Variants in TATDN1 observed in about 807,000 individuals in gnomAD.
TATDN1 encodes the protein deoxyribonuclease TATDN1.
Under a neutral mutation model 46.4 loss-of-function variants are expected in TATDN1, and 40 were observed. The observed-to-expected ratio is 0.86, with a 90% confidence interval of 0.67 to 1.12. TATDN1 has a LOEUF of 1.12. Ranked by LOEUF, TATDN1 falls within the 50% of genes most tolerant of loss-of-function variation. The pLI is 0.00. For missense variants in TATDN1, 326 were observed against 348.4 expected (o/e 0.94, Z 0.51); for synonymous variants, 95 against 105.6 (o/e 0.90, Z 0.62).
At chr8:124,498,951 C>CTTTTT (rs77795578) in intron 9 of TATDN1, among the ~76,000 whole-genome samples, 1 of 132,376 alleles carries the variant, frequency 7.6e-6, no homozygotes, top group Admixed American at 7.7e-5. Context: ...CGCCTGGCCT[C>CTTTTT]TTTTTTTTTT....
rs1474843467 is a variant in TATDN1, at chr8:124,488,682, A to G, written c.806T>C (p.Ile269Thr). 1.9e-6 allele frequency: 3 copies of G among 1,601,216 alleles called. No homozygotes were observed. In the East Asian group the frequency reaches 6.7e-5, roughly 36 times the overall value. ...ATCCTCATCTCTCACTGCTGACATT[A>G]TCTCCAATATTTGACTAAAACAAAA... is the stretch of plus-strand genomic sequence containing the variant. ...EPCHIIQILE[I>T]MSAVRDEDPL... Residue 269 changes from isoleucine to threonine, a missense_variant, in exon 12 of 12, where the codon ATA becomes ACA. Transcript: ENST00000276692.
chr8:124,508,368 G>T, intron 8 of TATDN1, 106 bp downstream of exon 8: 1 of 912,472 alleles, frequency 1.1e-6, no homozygotes, highest in Non-Finnish European at 1.7e-6. Flanking sequence ...TCTCATGCCA[G>T]TGCTTAAAAA....
intron 1 of TATDN1, among the ~76,000 whole-genome samples, chr8:124,526,429 T>C (rs1164858965): frequency 6.6e-6 from 1 of 152,192 alleles, no homozygotes; most frequent in Non-Finnish European, 1.5e-5. Flanking sequence ...TGAAAACCAA[T>C]GTCTAGCCAG....
chr8:124,502,637 C>G (rs978871759), intron 9 of TATDN1, among the ~76,000 whole-genome samples: 1 of 151,990 alleles, frequency 6.6e-6, no homozygotes, highest in Non-Finnish European at 1.5e-5. Context: ...GGAACTAGTC[C>G]AAATTGAAAC....
chr8:124,515,379 A>G (rs1218857999), intron 6 of TATDN1, among the ~76,000 whole-genome samples: 1 of 152,162 alleles, frequency 6.6e-6, no homozygotes, highest in Non-Finnish European at 1.5e-5. Flanking sequence ...ACTCTGTCTC[A>G]AAAAACAAAA....
chr8:124,522,119 A>T (rs753177303), intron 3 of TATDN1, 32 bp downstream of exon 3: 16 of 1,508,254 alleles, frequency 1.1e-5, no homozygotes, highest in African/African-American at 1.4e-5. Flanking sequence ...AATGAATTTT[A>T]AAAATCTCAA....
chr8:124,494,457 A>T (rs1231702352), intron 10 of TATDN1: 1 of 152,730 alleles, frequency 6.5e-6, no homozygotes, highest in Non-Finnish European at 1.5e-5. Context: ...AATGAATGTG[A>T]TTTCTCCAGA....
In TATDN1 at chr8:124,506,352, A is replaced by G. The variant is rs540715269; in HGVS notation, c.517-2005T>C. The stretch of plus-strand genomic sequence containing the variant: ...TCTGTCTCAAAAAAAAAAAAAAAAA[A>G]AAAAGAAAAAGAAAAAAAGAAAAGA... On this transcript the variant is annotated intron_variant, in intron 8 of 11. Transcript: ENST00000276692. Among the ~76,000 whole-genome samples the G allele has an allele frequency of 3.5e-3, 527 of 148,794 alleles. 3 individuals carry two copies. Among genetic ancestry groups the G allele is most frequent in the African/African-American group, 0.012 (457 of 39,234 alleles).
At chr8:124,501,652 G>C (rs956530578) in intron 9 of TATDN1, among the ~76,000 whole-genome samples, 1 of 151,890 alleles carries the variant, frequency 6.6e-6, no homozygotes, top group African/African-American at 2.4e-5. Flanking sequence ...TTCATAAAAA[G>C]GGTTACAAAA....
At chr8:124,504,596 G>A in intron 8 of TATDN1, 1 of 297,186 alleles carries the variant, frequency 3.4e-6, no homozygotes, top group Non-Finnish European at 6.1e-6. Flanking sequence ...TGGCAGTGTT[G>A]CTGTCTCTGC....
At chr8:124,535,339 C>G (rs550419698) in intron 1 of TATDN1, among the ~76,000 whole-genome samples, 1 of 152,280 alleles carries the variant, frequency 6.6e-6, no homozygotes, top group African/African-American at 2.4e-5. Context: ...ATAGAGATCA[C>G]GTGGCCCTCA....
chr8:124,497,134 T>C (rs1015609667), intron 9 of TATDN1, among the ~76,000 whole-genome samples: 3 of 152,218 alleles, frequency 2.0e-5, no homozygotes, highest in African/African-American at 7.2e-5. Flanking sequence ...TCTCAACTTA[T>C]TAAAATCTCC....
In TATDN1 at chr8:124,525,074, T is replaced by C. The variant is rs947495403; in HGVS notation, c.23-2072A>G. ...TGCAGTGAGAAGCACTTAAAGGCCATGCAGATGTAGACAGTGGTAATCACA... is the reference window on the plus strand; with the variant it reads ...TGCAGTGAGAAGCACTTAAAGGCCACGCAGATGTAGACAGTGGTAATCACA... On this transcript the variant is annotated intron_variant, in intron 1 of 11. Transcript: ENST00000276692. Among the ~76,000 whole-genome samples, 19 of 152,194 alleles carry C rather than the reference T, an allele frequency of 1.2e-4. No individual in the cohort carries two copies. The South Asian group carries it at 2.5e-3, about 20-fold the overall frequency.
chr8:124,502,184 C>CA (rs1052070233), intron 9 of TATDN1, among the ~76,000 whole-genome samples: 2 of 151,076 alleles, frequency 1.3e-5, no homozygotes, highest in Admixed American at 6.6e-5. Context: ...AATACAAAAA[C>CA]AAAAAAAATA....
At chr8:124,522,251 CT>C (rs751363070) in intron 2 of TATDN1, 51 bp from the exon 3 acceptor site, 11,042 of 1,000,288 alleles carry the variant, frequency 0.011, no homozygotes, top group Admixed American at 0.015. Flanking sequence ...AAAAATTTGA[CT>C]TTTTTTTTTA....
Position 124,488,661 on chromosome 8 carries a change from T to C in TATDN1, c.827A>G (p.Glu276Gly), listed in dbSNP as rs887014831. 2 of 1,607,290 alleles carry C rather than the reference T, an allele frequency of 1.2e-6. No individual in the cohort carries two copies. The highest frequency in any genetic ancestry group is 1.3e-5 in the African/African-American group (1 of 74,748). ...TGTATTGGCTAATTCCAGTGGATCC[T>C]CATCTCTCACTGCTGACATTATCTC... ...ILEIMSAVRD[E>G]DPLELANTLY... is the part of the protein sequence containing the mutation. Residue 276 changes from glutamate to glycine, a missense_variant, in exon 12 of 12, where the codon GAG becomes GGG. By Grantham distance (98) the Glu-to-Gly change is moderately conservative. Coordinates refer to ENST00000276692, the MANE Select transcript of TATDN1 (RefSeq NM_032026.4).
chr8:124,524,202 T>G (rs985170816), intron 1 of TATDN1, among the ~76,000 whole-genome samples: 7 of 152,074 alleles, frequency 4.6e-5, no homozygotes, highest in Non-Finnish European at 1.0e-4. Context: ...TTTAGAAAAT[T>G]TAAGAGACAG....
At chr8:124,528,941 G>A (rs997745418) in intron 1 of TATDN1, among the ~76,000 whole-genome samples, 1 of 152,188 alleles carries the variant, frequency 6.6e-6, no homozygotes, top group Non-Finnish European at 1.5e-5. Context: ...CGAGAAGCCT[G>A]AGTAGGCCTG....
At chr8:124,521,364 G>A (rs1820029480) in intron 3 of TATDN1, among the ~76,000 whole-genome samples, 1 of 152,176 alleles carries the variant, frequency 6.6e-6, no homozygotes, top group Non-Finnish European at 1.5e-5. Flanking sequence ...GCTAACACAT[G>A]AAAATTTAGG....
Sources: allele counts gnomAD v4.1 joint callset (sites outside exome capture counted in the v4.1 genomes callset), GRCh38; gene constraint gnomAD v4.1.1; transcripts MANE v1.5; gene names NCBI Gene and HGNC (gene_info 2026-07-23, HGNC 2026-07-21).